Variants in MAP4 observed in about 807,000 individuals in gnomAD.
MAP4 encodes the protein microtubule-associated protein 4.
A neutral mutation model predicts 170.2 loss-of-function variants in MAP4; 76 were observed. The observed-to-expected ratio is 0.45, with a 90% CI of 0.37 to 0.54. MAP4 has a LOEUF of 0.54. Among genes scored for constraint, MAP4 ranks in the 20% least tolerant of loss-of-function variants. The pLI is 0.00. For synonymous variants in MAP4, 909 were observed against 994.5 expected (o/e 0.91, Z 1.62); for missense variants, 2,506 against 2,748.0 (o/e 0.91, Z 1.97).
chr3:47,974,673 G>C (rs1186095071), intron 3 of MAP4: 2 of 955,470 alleles, frequency 2.1e-6, no homozygotes, highest in East Asian at 1.2e-4. Flanking sequence ...ATCTCAACTG[G>C]TTCTAGATTT....
intron 1 of MAP4, among the ~76,000 whole-genome samples, chr3:48,006,462 G>T (rs1424677575): frequency 6.6e-6 from 1 of 152,090 alleles, no homozygotes; most frequent in South Asian, 2.1e-4. Context: ...GACTTACAGT[G>T]GGCCCAGTGG....
intron 17 of MAP4, among the ~76,000 whole-genome samples, chr3:47,858,360 T>C (rs2059970639): frequency 6.6e-6 from 1 of 151,878 alleles, no homozygotes; most frequent in Non-Finnish European, 1.5e-5. Flanking sequence ...AAACCACCAT[T>C]TCCACACCCC....
intron 3 of MAP4, among the ~76,000 whole-genome samples, chr3:47,964,110 G>C (rs979827934): frequency 6.6e-6 from 1 of 152,174 alleles, no homozygotes; most frequent in Non-Finnish European, 1.5e-5. Context: ...CGACATCATA[G>C]GGCCTTGTGG....
chr3:47,871,850 G>T, intron 13 of MAP4, 67 bp downstream of exon 13: 1 of 1,472,102 alleles, frequency 6.8e-7, no homozygotes, highest in Non-Finnish European at 9.3e-7. Context: ...TAGAGCTATG[G>T]CTGGGGCAAA....
intron 10 of MAP4, among the ~76,000 whole-genome samples, chr3:47,881,283 T>C (rs1205827822): frequency 6.6e-6 from 1 of 150,854 alleles, no homozygotes; most frequent in Non-Finnish European, 1.5e-5. Flanking sequence ...ACTTCCTCTC[T>C]ACAAAAATCG....
chr3:47,969,045 AC>A (rs57801399), intron 3 of MAP4, among the ~76,000 whole-genome samples: 1,751 of 152,350 alleles, frequency 0.011, 35 homozygotes, highest in African/African-American at 0.039. Context: ...AAAGAAAAAA[AC>A]GTTTGGGTGG....
chr3:47,878,956 C>T (rs1049438125), intron 10 of MAP4, among the ~76,000 whole-genome samples: 4 of 152,178 alleles, frequency 2.6e-5, no homozygotes, highest in Non-Finnish European at 1.5e-5. Flanking sequence ...ATAGGCAGGG[C>T]TGCCTGGCAG....
chr3:48,053,509 C>T (rs748525212), intron 1 of MAP4, among the ~76,000 whole-genome samples: 48 of 152,240 alleles, frequency 3.2e-4, no homozygotes, highest in Middle Eastern at 6.8e-3. Context: ...AAATAGCATT[C>T]GTAAAGCCAC....
At chr3:47,962,657 A>G (rs2100072340) in intron 3 of MAP4, among the ~76,000 whole-genome samples, 1 of 152,180 alleles carries the variant, frequency 6.6e-6, no homozygotes, top group Non-Finnish European at 1.5e-5. Flanking sequence ...AAACAGCATA[A>G]ATCTACATAA....
chr3:47,991,351 C>T (rs1367672598), intron 2 of MAP4, among the ~76,000 whole-genome samples: 1 of 152,240 alleles, frequency 6.6e-6, no homozygotes, highest in South Asian at 2.1e-4. Flanking sequence ...ACTGGTTGGC[C>T]TAACTAAGCC....
At chr3:47,890,098 A>T (rs1375485245) in intron 10 of MAP4, among the ~76,000 whole-genome samples, 1 of 152,000 alleles carries the variant, frequency 6.6e-6, no homozygotes, top group Admixed American at 6.5e-5. Context: ...ATTTTTTTTT[A>T]AACAAGCAAA....
chr3:47,883,881 G>T (rs996367424), intron 10 of MAP4, among the ~76,000 whole-genome samples: 1 of 152,082 alleles, frequency 6.6e-6, no homozygotes, highest in Admixed American at 6.5e-5. Flanking sequence ...AAAAATTGCT[G>T]TTTCCCTAAT....
chr3:47,927,459 TTTTGTTTGTTTG>T (rs555223887), intron 4 of MAP4, among the ~76,000 whole-genome samples: 12 of 151,928 alleles, frequency 7.9e-5, no homozygotes, highest in East Asian at 7.7e-4. Context: ...ACAGATAGGC[TTTTGTTTGTTTG>T]TTTGTTTGTT....
At chr3:47,889,250 C>T (rs745330463) in intron 10 of MAP4, among the ~76,000 whole-genome samples, 57 of 152,236 alleles carry the variant, frequency 3.7e-4, no homozygotes, top group African/African-American at 1.3e-3. Flanking sequence ...TGAGATTCCT[C>T]CATTGTTCTT....
rs1267635009 is a variant in MAP4 at position 47,935,956 on chromosome 3, AAT to A, written c.293-7608_293-7607del. 3.6e-3 allele frequency among the ~76,000 whole-genome samples: 537 copies of A among 150,826 alleles called. 6 individuals carry two copies. Among genetic ancestry groups the A allele is most frequent in the African/African-American group, 0.013 (516 of 40,870 alleles). On this transcript the variant is annotated intron_variant, in intron 3 of 20. Coordinates refer to ENST00000683076, the MANE Select transcript of MAP4 (RefSeq NM_001385682.1). ...TTAGTCTCCAAAAAAAAAAAAAAAA[AAT>A]ATTAGGAATATACCTCAAAAAAATT...
chr3:47,920,780 G>A (rs148831202), intron 5 of MAP4, among the ~76,000 whole-genome samples: 42 of 152,160 alleles, frequency 2.8e-4, no homozygotes, highest in African/African-American at 9.6e-4. Flanking sequence ...TCAAATTGCT[G>A]GGCTCAAGCA....
chr3:47,964,409 G>A (rs2100073581), intron 3 of MAP4, among the ~76,000 whole-genome samples: 1 of 152,166 alleles, frequency 6.6e-6, no homozygotes, highest in Admixed American at 6.5e-5. Context: ...AGCAGAAGAG[G>A]ATAGGGAAAC....
At chr3:48,057,055 C>G (rs2100132459) in intron 1 of MAP4, among the ~76,000 whole-genome samples, 1 of 148,606 alleles carries the variant, frequency 6.7e-6, no homozygotes, top group Non-Finnish European at 1.5e-5. Context: ...CCCGGCCGCC[C>G]CTACTGGGAA....
intron 9 of MAP4, among the ~76,000 whole-genome samples, chr3:47,907,929 G>A (rs1162777954): frequency 6.6e-6 from 1 of 152,168 alleles, no homozygotes; most frequent in Admixed American, 6.5e-5. Context: ...GTATTCCTTA[G>A]TGGGTACATA....
Sources: gnomAD v4.1 joint callset for allele counts (sites outside exome capture counted in the v4.1 genomes callset) on GRCh38, gnomAD v4.1.1 for gene constraint, MANE v1.5 for transcripts, NCBI Gene and HGNC (gene_info 2026-07-23, HGNC 2026-07-21) for gene names.